TMEM132D: variants seen among roughly 807,000 people sequenced by gnomAD.
The protein encoded by TMEM132D is mature OL transmembrane protein.
A neutral mutation model predicts 62.3 loss-of-function variants in TMEM132D; 21 were observed. The observed-to-expected ratio is 0.34, with a 90% CI of 0.24 to 0.49. TMEM132D has a LOEUF of 0.49. TMEM132D is among the 20% of genes least tolerant of loss of function. The pLI is 0.99. For missense variants in TMEM132D, 1,346 were observed against 1,402.8 expected (o/e 0.96, Z 0.65); for synonymous variants, 621 against 575.6 (o/e 1.08, Z -1.13).
chr12:129,791,462 G>A (rs1871399090), intron 1 of TMEM132D, among the ~76,000 whole-genome samples: 1 of 152,136 alleles, frequency 6.6e-6, no homozygotes, highest in African/African-American at 2.4e-5. Flanking sequence ...CAAAACAGTA[G>A]AGAATAATAC....
intron 1 of TMEM132D, among the ~76,000 whole-genome samples, chr12:129,708,816 G>GA: frequency 6.6e-6 from 1 of 152,114 alleles, no homozygotes; most frequent in Non-Finnish European, 1.5e-5. Flanking sequence ...AACTTAGGGA[G>GA]AAAACCACTC....
chr12:129,216,631 A>G (rs1191226293), intron 4 of TMEM132D, among the ~76,000 whole-genome samples: 2 of 152,196 alleles, frequency 1.3e-5, no homozygotes, highest in East Asian at 3.8e-4. Flanking sequence ...TGCAGCCTCC[A>G]GAACAGTGAT....
intron 3 of TMEM132D, among the ~76,000 whole-genome samples, chr12:129,398,726 C>G (rs1423718589): frequency 6.6e-6 from 1 of 152,132 alleles, no homozygotes; most frequent in East Asian, 1.9e-4. Context: ...AGCCACCAAG[C>G]AATTCATTCC....
chr12:129,751,091 T>C (rs1869985562), intron 1 of TMEM132D, among the ~76,000 whole-genome samples: 1 of 152,156 alleles, frequency 6.6e-6, no homozygotes, highest in African/African-American at 2.4e-5. Flanking sequence ...CCTCTGGAGA[T>C]GAGAGTGTTC....
rs1157739373 is a variant in TMEM132D, at chr12:129,371,945, C to A, written c.1116-34128G>T. ...GCATTCTTGTTGTTGTGATAGTTAG[C>A]ATGTGGACCAGTGTGATGGTCATTT... On this transcript the variant is annotated intron_variant, in intron 3 of 8. Transcript: ENST00000422113. The surrounding 1 kb of genome is among the most constrained non-coding windows in gnomAD (Gnocchi z 4.3). Among the ~76,000 whole-genome samples, 1 of 152,164 alleles carries A rather than the reference C, an allele frequency of 6.6e-6. No individual in the cohort carries two copies. Among genetic ancestry groups the A allele is most frequent in the Non-Finnish European group, 1.5e-5 (1 of 68,036 alleles).
At chr12:129,479,137 T>C (rs866622833) in intron 3 of TMEM132D, among the ~76,000 whole-genome samples, 1 of 152,168 alleles carries the variant, frequency 6.6e-6, no homozygotes, top group South Asian at 2.1e-4. Flanking sequence ...TCTAAATCAT[T>C]TTGAGCCCAA....
chr12:129,615,618 A>G (rs1230064697), intron 2 of TMEM132D, among the ~76,000 whole-genome samples: 1 of 149,962 alleles, frequency 6.7e-6, no homozygotes, highest in African/African-American at 2.4e-5. Flanking sequence ...AAAACTAAAG[A>G]AAAATTAGCT....
intron 4 of TMEM132D, among the ~76,000 whole-genome samples, chr12:129,336,405 G>A (rs755522561): frequency 2.0e-5 from 3 of 152,158 alleles, no homozygotes; most frequent in Non-Finnish European, 2.9e-5. Flanking sequence ...GTGAAACCCT[G>A]TCTCTACTAA....
intron 4 of TMEM132D, among the ~76,000 whole-genome samples, chr12:129,332,798 T>G (rs2135652780): frequency 6.6e-6 from 1 of 152,196 alleles, no homozygotes; most frequent in Non-Finnish European, 1.5e-5. Context: ...CTGCAATATG[T>G]CAATGGAAAA....
At chr12:129,415,720 G>A (rs1198904649) in intron 3 of TMEM132D, among the ~76,000 whole-genome samples, 1 of 152,184 alleles carries the variant, frequency 6.6e-6, no homozygotes. Flanking sequence ...TCGGTTTCCA[G>A]TCAGGCCACA....
chr12:129,437,437 T>C (rs1298106615), intron 3 of TMEM132D, among the ~76,000 whole-genome samples: 1 of 152,224 alleles, frequency 6.6e-6, no homozygotes, highest in Non-Finnish European at 1.5e-5. Flanking sequence ...AATGCCTAAA[T>C]GTTAATAGAG....
chr12:129,585,572 A>C (rs998799220), intron 2 of TMEM132D, among the ~76,000 whole-genome samples: 8 of 152,210 alleles, frequency 5.3e-5, no homozygotes, highest in Non-Finnish European at 1.0e-4. Context: ...TGATTCCTCA[A>C]ATGCACAAAT....
At chr12:129,266,460 A>T (rs1593316606) in intron 4 of TMEM132D, among the ~76,000 whole-genome samples, 2 of 109,152 alleles carry the variant, frequency 1.8e-5, no homozygotes, top group African/African-American at 7.3e-5. Context: ...TCTCACCTCC[A>T]CTTCCCCTCC....
chr12:129,176,723 C>T (rs960924697), intron 5 of TMEM132D, among the ~76,000 whole-genome samples: 4 of 152,324 alleles, frequency 2.6e-5, no homozygotes, highest in African/African-American at 7.2e-5. Context: ...TAATTAACTT[C>T]GCTGAAGGGC....
intron 3 of TMEM132D, among the ~76,000 whole-genome samples, chr12:129,353,636 G>T (rs568082474): frequency 6.6e-6 from 1 of 152,154 alleles, no homozygotes; most frequent in East Asian, 1.9e-4. Flanking sequence ...AGAAAGGCAC[G>T]GGGCTATGTC....
At chr12:129,560,353 T>C (rs1471585624) in intron 2 of TMEM132D, among the ~76,000 whole-genome samples, 1 of 148,208 alleles carries the variant, frequency 6.7e-6, no homozygotes, top group African/African-American at 2.5e-5. Flanking sequence ...CACCACAACC[T>C]CCACTTCCCA....
At chr12:129,636,716 G>GTC in intron 2 of TMEM132D, among the ~76,000 whole-genome samples, 2 of 120,878 alleles carry the variant, frequency 1.7e-5, no homozygotes, top group Admixed American at 1.8e-4. Flanking sequence ...GTGTGTGTGT[G>GTC]TGTGTGTGTG....
Position 129,700,228 on chromosome 12 carries a change from G to T in TMEM132D, c.550C>A (p.Arg184=), listed in dbSNP as rs766949843. 1.2e-6 allele frequency: 2 copies of T among 1,612,902 alleles called. No individual in the cohort carries two copies. The highest frequency in any genetic ancestry group is 1.7e-6 in the Non-Finnish European group (2 of 1,179,926). The change falls in exon 2 of 9, where the codon CGG becomes AGG. Residue 184 remains arginine (R), a synonymous_variant. Transcript: ENST00000422113. ...RETREVRGSC[R]LQGDLGLCVA... ...CACAGCCCCAGGTCCCCCTGCAGCCGGCAGCTGCCCCGCACCTCTCGGGTC... is the reference window on the plus strand; with the variant it reads ...CACAGCCCCAGGTCCCCCTGCAGCCTGCAGCTGCCCCGCACCTCTCGGGTC...
chr12:129,660,311 T>C (rs1880203364), intron 2 of TMEM132D, among the ~76,000 whole-genome samples: 1 of 62,210 alleles, frequency 1.6e-5, no homozygotes, highest in Non-Finnish European at 3.9e-5. Context: ...GTGTCTGGGA[T>C]GCAAGGACAG....
Sources: allele counts gnomAD v4.1 joint callset (sites outside exome capture counted in the v4.1 genomes callset), GRCh38; gene constraint gnomAD v4.1.1; non-coding constraint Gnocchi (gnomAD v3.1); transcripts MANE v1.5; gene names NCBI Gene and HGNC (gene_info 2026-07-23, HGNC 2026-07-21).